Variants in MYRIP observed in about 807,000 individuals in gnomAD.
MYRIP encodes rab effector MyRIP.
MYRIP carries 49 observed loss-of-function variants against 98.0 expected under a neutral mutation model. The observed-to-expected ratio is 0.50, with a 90% CI of 0.40 to 0.63. MYRIP has a LOEUF of 0.63. Ranked by LOEUF, MYRIP falls within the 30% of genes least tolerant of loss-of-function variation. MYRIP has a pLI of 0.00. For missense variants in MYRIP, 1,004 were observed against 1,058.2 expected (o/e 0.95, Z 0.71); for synonymous variants, 404 against 409.5 (o/e 0.99, Z 0.16).
At chr3:39,991,922 A>G (rs1432096125) in intron 2 of MYRIP, among the ~76,000 whole-genome samples, 2 of 152,180 alleles carry the variant, frequency 1.3e-5, no homozygotes, top group Non-Finnish European at 2.9e-5. Context: ...AATAGTGCAT[A>G]GTGCACACTA....
intron 1 of MYRIP, among the ~76,000 whole-genome samples, chr3:39,816,251 T>A (rs138951863): frequency 0.011 from 1,674 of 151,984 alleles, 35 homozygotes; most frequent in African/African-American, 0.037. Flanking sequence ...CCAGCTAAAT[T>A]TTTTGTATTT....
intron 5 of MYRIP, among the ~76,000 whole-genome samples, chr3:40,163,773 G>T (rs183816454): frequency 6.8e-4 from 103 of 151,958 alleles, no homozygotes; most frequent in Admixed American, 2.4e-3. Flanking sequence ...GGAACTTCTC[G>T]GCCTCCTTAA....
At chr3:40,162,880 T>G in intron 5 of MYRIP, 70 bp downstream of exon 5, 261 of 1,411,650 alleles carry the variant, frequency 1.8e-4, no homozygotes, top group Non-Finnish European at 2.4e-4. Flanking sequence ...GTACAGGTAC[T>G]GCCAGGGTCC....
intron 2 of MYRIP, among the ~76,000 whole-genome samples, chr3:40,028,880 A>C (rs1016565056): frequency 3.3e-5 from 5 of 152,134 alleles, no homozygotes; most frequent in Non-Finnish European, 5.9e-5. Flanking sequence ...ATGGCAACCC[A>C]TTCCTCCACT....
intron 11 of MYRIP, among the ~76,000 whole-genome samples, chr3:40,220,979 C>G (rs1952317686): frequency 7.9e-6 from 1 of 126,110 alleles, no homozygotes; most frequent in South Asian, 2.5e-4. Context: ...TGGGCAGGGA[C>G]ACAGACCCAA....
intron 2 of MYRIP, among the ~76,000 whole-genome samples, chr3:39,901,476 A>G (rs1246466270): frequency 1.3e-5 from 2 of 152,172 alleles, no homozygotes; most frequent in African/African-American, 4.8e-5. Flanking sequence ...ACTCCTCTGC[A>G]GTTGATATTT....
At chr3:40,090,893 G>A (rs1412663397) in intron 3 of MYRIP, among the ~76,000 whole-genome samples, 7 of 152,152 alleles carry the variant, frequency 4.6e-5, no homozygotes, top group Admixed American at 1.3e-4. Flanking sequence ...CCTCCAACAT[G>A]CAGGTGGAAC....
chr3:40,136,616 T>C (rs1183965771), intron 3 of MYRIP, among the ~76,000 whole-genome samples: 3 of 151,036 alleles, frequency 2.0e-5, no homozygotes, highest in South Asian at 4.3e-4. Flanking sequence ...TATTCCAAAA[T>C]TGACCACATA....
chr3:39,878,241 T>C (rs1363499023), intron 1 of MYRIP, among the ~76,000 whole-genome samples: 1 of 152,216 alleles, frequency 6.6e-6, no homozygotes, highest in South Asian at 2.1e-4. Context: ...TTCCAGGTGC[T>C]GTCTGTCACC....
chr3:40,245,814 C>A (rs1215216770), intron 13 of MYRIP, among the ~76,000 whole-genome samples: 2 of 131,862 alleles, frequency 1.5e-5, no homozygotes, highest in African/African-American at 6.0e-5. Context: ...GTGGCATGAT[C>A]TTGGCTCACT....
intron 3 of MYRIP, among the ~76,000 whole-genome samples, chr3:40,070,812 A>G (rs1403488633): frequency 6.6e-6 from 1 of 152,218 alleles, no homozygotes; most frequent in Non-Finnish European, 1.5e-5. Context: ...TAGATTCAGG[A>G]GCAAGAAATC....
intron 3 of MYRIP, among the ~76,000 whole-genome samples, chr3:40,058,174 C>T (rs186714777): frequency 5.7e-4 from 86 of 152,060 alleles, no homozygotes; most frequent in Middle Eastern, 3.4e-3. Flanking sequence ...AATTTTTTTC[C>T]CAGCATTGAC....
chr3:40,008,954 C>T (rs1946695261), intron 2 of MYRIP, among the ~76,000 whole-genome samples: 1 of 152,208 alleles, frequency 6.6e-6, no homozygotes, highest in African/African-American at 2.4e-5. Context: ...TTCCTATTTC[C>T]TTGTTCAAAG....
chr3:40,025,351 T>C (rs1432999121), intron 2 of MYRIP, among the ~76,000 whole-genome samples: 1 of 152,036 alleles, frequency 6.6e-6, no homozygotes, highest in Non-Finnish European at 1.5e-5. Context: ...TCTGTTAGCC[T>C]TGACAGATTT....
intron 2 of MYRIP, among the ~76,000 whole-genome samples, chr3:39,955,623 C>G (rs993584097): frequency 3.3e-5 from 5 of 152,288 alleles, no homozygotes; most frequent in African/African-American, 9.6e-5. Context: ...CATCAACTAA[C>G]AAGCAAAATA....
rs183537622 is a variant in MYRIP, at chr3:39,875,083, T to A, written c.-30-25704T>A. ...GTTTAGTCTTGGGAGGGTGTATGTGTCCAGGAATTTATCCATTTCTTCTAG... is the reference window on the plus strand; with the variant it reads ...GTTTAGTCTTGGGAGGGTGTATGTGACCAGGAATTTATCCATTTCTTCTAG... On this transcript the variant is annotated intron_variant, in intron 1 of 16. Transcript: ENST00000302541. 9.3e-3 allele frequency among the ~76,000 whole-genome samples: 1,409 copies of A among 152,324 alleles called. 26 individuals carry two copies. The highest frequency in any genetic ancestry group is 0.032 in the African/African-American group (1,332 of 41,578).
chr3:39,999,178 G>A (rs1031477388), intron 2 of MYRIP, among the ~76,000 whole-genome samples: 7 of 152,186 alleles, frequency 4.6e-5, no homozygotes, highest in Non-Finnish European at 1.0e-4. Flanking sequence ...ATTGACAAAT[G>A]GGTTCTAATT....
chr3:40,000,678 T>C (rs1368771824), intron 2 of MYRIP, among the ~76,000 whole-genome samples: 2 of 152,130 alleles, frequency 1.3e-5, no homozygotes, highest in African/African-American at 4.8e-5. Flanking sequence ...GTCTTAATTT[T>C]ATGAGATGAA....
chr3:39,923,815 T>G (rs932097428), intron 2 of MYRIP, among the ~76,000 whole-genome samples: 29 of 152,112 alleles, frequency 1.9e-4, no homozygotes, highest in Non-Finnish European at 5.9e-5. Flanking sequence ...ATGTTTTAAA[T>G]GCATGTAGAA....
Sources: gnomAD v4.1 joint callset for allele counts (sites outside exome capture counted in the v4.1 genomes callset) on GRCh38, gnomAD v4.1.1 for gene constraint, MANE v1.5 for transcripts, NCBI Gene and HGNC (gene_info 2026-07-23, HGNC 2026-07-21) for gene names.